UGT3A1: variants seen among roughly 807,000 people sequenced by gnomAD.
The protein encoded by UGT3A1 is UDP glycosyltransferase family 3 member A1, also known as UDP-glycosyltransferase 3A1.
Under a neutral mutation model 37.6 loss-of-function variants are expected in UGT3A1, and 40 were observed. The observed-to-expected ratio is 1.06, with a 90% CI of 0.83 to 1.38. The LOEUF (loss-of-function observed/expected upper bound fraction) is 1.38. Among genes scored for constraint, UGT3A1 ranks in the 40% most tolerant of loss-of-function variants. UGT3A1 has a pLI of 0.00. For missense variants in UGT3A1, 642 were observed against 634.2 expected (o/e 1.01, Z -0.13); for synonymous variants, 256 against 232.3 (o/e 1.10, Z -0.93).
At chr5:35,956,570 C>T (rs1440412667) in intron 5 of UGT3A1, among the ~76,000 whole-genome samples, 6 of 152,138 alleles carry the variant, frequency 3.9e-5, no homozygotes, top group African/African-American at 4.8e-5. Context: ...AAAAGTATCA[C>T]AAGGACAGTA....
intron 2 of UGT3A1, among the ~76,000 whole-genome samples, chr5:35,987,006 T>G (rs1740753713): frequency 6.6e-6 from 1 of 152,184 alleles, no homozygotes; most frequent in Non-Finnish European, 1.5e-5. Flanking sequence ...AGTCAGAACC[T>G]CAAATAATTA....
Position 35,968,398 on chromosome 5 carries a change from T to G in UGT3A1, c.197-265A>C, listed in dbSNP as rs1264626724. ...AAGCTTTCATTTAAAGGAACAGCTA[T>G]TACACTTATTTTATAGATGAGACAA... On this transcript the variant is annotated intron_variant, in intron 2 of 6. Transcript: ENST00000274278. Among the ~76,000 whole-genome samples the G allele has an allele frequency of 2.0e-5, 3 of 152,346 alleles. No homozygotes were observed. In the East Asian group the frequency reaches 5.8e-4, roughly 29 times the overall value.
In UGT3A1 at chr5:35,957,322, T is replaced by A; in HGVS notation, c.941A>T (p.Lys314Met). 6.2e-7 allele frequency: 1 copy of A among 1,614,198 alleles called. No homozygotes were observed. The highest frequency in any genetic ancestry group is 8.5e-7 in the Non-Finnish European group (1 of 1,180,044). The change falls in exon 5 of 7, where the codon AAG becomes ATG. Residue 314 changes from lysine (K) to methionine (M), a missense_variant. Coordinates refer to ENST00000274278, the MANE Select transcript of UGT3A1 (RefSeq NM_152404.4). ...GTGGGCAAAGGCATTGTGCATCTTC[T>A]TGAGGACTTCCTGGGACTGATGGGT... ...LNTHQSQEVL[K>M]KMHNAFAHLP...
In UGT3A1 at chr5:35,991,149, A is replaced by G. The variant is rs1046502034; in HGVS notation, c.92T>C (p.Leu31Pro). ...EAAKILTIST[L>P]GGSHYLLLDR... ...GAATTCTCCGGCCAAGCACTCACCCAGTGTAGATATTGTCAGGATTTTGGC... is the reference window on the plus strand; with the variant it reads ...GAATTCTCCGGCCAAGCACTCACCCGGTGTAGATATTGTCAGGATTTTGGC... Residue 31 changes from leucine to proline, a missense_variant and splice_region_variant, in exon 1 of 7, where the codon CTG (leucine) becomes CCG (proline). Physicochemically the swap from Leu to Pro is moderately conservative, Grantham distance 98. Transcript: ENST00000274278. 3.7e-5 allele frequency: 60 copies of G among 1,614,098 alleles called. No individual in the cohort carries two copies. The highest frequency in any genetic ancestry group is 4.7e-5 in the Non-Finnish European group (56 of 1,180,032).
intron 4 of UGT3A1, among the ~76,000 whole-genome samples, chr5:35,959,097 T>G (rs1167204618): frequency 6.6e-6 from 1 of 152,146 alleles, no homozygotes; most frequent in African/African-American, 2.4e-5. Flanking sequence ...TCAAAAACAG[T>G]TGAGCATACA....
rs1243960339 is a variant in UGT3A1 at position 35,965,484 on chromosome 5, C to T, written c.745G>A (p.Val249Ile). 1.9e-6 allele frequency: 3 copies of T among 1,614,090 alleles called. No homozygotes were observed. The highest frequency in any genetic ancestry group is 1.3e-5 in the African/African-American group (1 of 74,922). Residue 249 changes from valine (V) to isoleucine (I), a missense_variant, in exon 4 of 7, where the codon GTT becomes ATT. Transcript: ENST00000274278. ...AAATCAAAGGCAAAATCAGAGTTAA[C>T]AAACCACAACTCTGCTTTCAGTAGA... is the stretch of plus-strand genomic sequence containing the variant. ...HLLLKAELWF[V>I]NSDFAFDFAR...
intron 2 of UGT3A1, among the ~76,000 whole-genome samples, chr5:35,982,643 G>A (rs2149984939): frequency 6.6e-6 from 1 of 152,342 alleles, no homozygotes; most frequent in Admixed American, 6.5e-5. Context: ...TGCTTCAGAT[G>A]AGACTTTGGA....
intron 1 of UGT3A1, among the ~76,000 whole-genome samples, chr5:35,990,359 G>T (rs1740894613): frequency 6.6e-6 from 1 of 151,966 alleles, no homozygotes; most frequent in South Asian, 2.1e-4. Flanking sequence ...ATCCTTTAGC[G>T]CCCACTACGG....
At chr5:35,976,812 CAACAG>C (rs1554073827) in intron 2 of UGT3A1, among the ~76,000 whole-genome samples, 2 of 125,352 alleles carry the variant, frequency 1.6e-5, no homozygotes, top group Non-Finnish European at 3.2e-5. Flanking sequence ...CTAGCCTGGG[CAACAG>C]AACAAGTGCT....
upstream of UGT3A1, among the ~76,000 whole-genome samples, chr5:35,994,333 T>TTGTG (rs35026618): frequency 0.19 from 26,745 of 138,374 alleles, 2,834 homozygotes; most frequent in Non-Finnish European, 0.24. Context: ...TTTGTTTTGT[T>TTGTG]TGTGTGTGTG....
At chr5:35,963,520 C>G (rs1739673459) in intron 4 of UGT3A1, among the ~76,000 whole-genome samples, 1 of 152,138 alleles carries the variant, frequency 6.6e-6, no homozygotes, top group Non-Finnish European at 1.5e-5. Flanking sequence ...AAAAGGAACC[C>G]TCTCGATTAG....
chr5:35,977,065 GAA>G lies in UGT3A1; in HGVS notation c.197-8934_197-8933del, dbSNP rs751268218. 1.7e-4 allele frequency among the ~76,000 whole-genome samples: 23 copies of G among 135,476 alleles called. 1 individual carries two copies. The highest frequency in any genetic ancestry group is 1.6e-3 in the East Asian group (7 of 4,266). The allele number at this position is 135,476 out of a possible 152,430, so 88.9% of individuals were successfully genotyped here. A position where few individuals can be genotyped will look rare whatever the true frequency, so the allele number is the denominator to read the frequency against. On this transcript the variant is annotated intron_variant, in intron 2 of 6. Transcript: ENST00000274278. ...GAAAGGGAGAAAGAGAAGAGAAAGA[GAA>G]AGAAAGAAAAGAAAGAAAGAAAGAG...
intron 1 of UGT3A1, among the ~76,000 whole-genome samples, chr5:35,999,094 G>A (rs573206956): frequency 2.6e-5 from 4 of 151,986 alleles, no homozygotes; most frequent in South Asian, 2.1e-4. Flanking sequence ...AAAGTTAGCC[G>A]GGCATGGTGG....
Position 35,988,558 on chromosome 5 carries a change from A to G in UGT3A1, c.95-7T>C. 1 of 1,590,560 alleles carries G rather than the reference A, an allele frequency of 6.3e-7. No individual in the cohort carries two copies. On this transcript the variant is annotated splice_polypyrimidine_tract_variant and splice_region_variant and intron_variant, in intron 1 of 6. Coordinates refer to ENST00000274278, the MANE Select transcript of UGT3A1 (RefSeq NM_152404.4). ...AGTAGGTAATGGCTTCCACCTAGAA[A>G]CAATGCACAATGTCTTTTGTAAAGA... is the stretch of plus-strand genomic sequence containing the variant.
chr5:35,969,509 A>G (rs1739950453), intron 2 of UGT3A1, among the ~76,000 whole-genome samples: 1 of 152,218 alleles, frequency 6.6e-6, no homozygotes, highest in African/African-American at 2.4e-5. Context: ...TACACCTGAT[A>G]ACAACCAAAA....
At chr5:35,969,975 C>G (rs1188796291) in intron 2 of UGT3A1, among the ~76,000 whole-genome samples, 1 of 152,146 alleles carries the variant, frequency 6.6e-6, no homozygotes, top group African/African-American at 2.4e-5. Flanking sequence ...ACTTACAGTT[C>G]CACATGGCTG....
upstream of UGT3A1, among the ~76,000 whole-genome samples, chr5:35,992,111 A>C (rs1740970251): frequency 6.6e-6 from 1 of 152,190 alleles, no homozygotes; most frequent in Non-Finnish European, 1.5e-5. Flanking sequence ...CTTTCAGTGC[A>C]ATTCTAGACA....
chr5:35,961,445 A>G (rs1739580092), intron 4 of UGT3A1: 1 of 152,250 alleles, frequency 6.6e-6, no homozygotes, highest in African/African-American at 2.4e-5. Flanking sequence ...GTATTATACA[A>G]GAAAATAATC....
intron 2 of UGT3A1, among the ~76,000 whole-genome samples, chr5:35,985,857 G>A (rs1740708808): frequency 6.6e-6 from 1 of 152,082 alleles, no homozygotes; most frequent in Non-Finnish European, 1.5e-5. Context: ...ATAGACAAAT[G>A]GGATTACATC....
Sources: gnomAD v4.1 joint callset for allele counts (sites outside exome capture counted in the v4.1 genomes callset) on GRCh38, gnomAD v4.1.1 for gene constraint, MANE v1.5 for transcripts, NCBI Gene and HGNC (gene_info 2026-07-23, HGNC 2026-07-21) for gene names.